Variants in NTRK2 observed in about 807,000 individuals in gnomAD.
NTRK2 encodes the protein BDNF/NT-3 growth factors receptor.
NTRK2 carries 13 observed loss-of-function variants against 94.5 expected under a neutral mutation model. The ratio of observed to expected loss-of-function variants is 0.14; its 90% confidence interval spans 0.09 to 0.22. The LOEUF is 0.22. Among genes scored for constraint, NTRK2 ranks in the 10% least tolerant of loss-of-function variants. The pLI, the probability that NTRK2 is intolerant of heterozygous loss-of-function variation, is 1.00. For synonymous variants in NTRK2, 372 were observed against 407.4 expected (o/e 0.91, Z 1.05); for missense variants, 639 against 1,071.2 (o/e 0.60, Z 5.63).
chr9:84,738,655 C>T (rs898855455), intron 9 of NTRK2, among the ~76,000 whole-genome samples: 20 of 152,206 alleles, frequency 1.3e-4, no homozygotes, highest in Non-Finnish European at 2.9e-5. Context: ...GTGACCCTCA[C>T]TTTTCATAAA....
At chr9:84,692,686 C>T (rs892141745) in intron 2 of NTRK2, among the ~76,000 whole-genome samples, 6 of 151,970 alleles carry the variant, frequency 3.9e-5, no homozygotes, top group Non-Finnish European at 7.4e-5. Context: ...AGGCTGGTCT[C>T]GAACTCCTGA....
At chr9:84,785,723 G>C (rs2068052785) in intron 12 of NTRK2, among the ~76,000 whole-genome samples, 1 of 152,158 alleles carries the variant, frequency 6.6e-6, no homozygotes, top group Admixed American at 6.5e-5. Flanking sequence ...ATTGTGTACT[G>C]CACCTTATTT....
intron 12 of NTRK2, among the ~76,000 whole-genome samples, chr9:84,777,601 G>A (rs1431165425): frequency 6.6e-6 from 1 of 152,156 alleles, no homozygotes; most frequent in Non-Finnish European, 1.5e-5. Flanking sequence ...GCTGAGAAAT[G>A]TTCAGGAACT....
intron 4 of NTRK2, among the ~76,000 whole-genome samples, chr9:84,703,777 C>T (rs117149435): frequency 0.011 from 1,691 of 152,222 alleles, 10 homozygotes; most frequent in Non-Finnish European, 0.018. Flanking sequence ...TGATAAAACT[C>T]CAGGGAACTT....
chr9:84,948,370 T>C (rs1271323202), intron 15 of NTRK2, 92 bp from the exon 16 acceptor site: 3 of 1,344,126 alleles, frequency 2.2e-6, no homozygotes, highest in East Asian at 2.4e-5. Flanking sequence ...TGTTTTCTCA[T>C]CTTTTGCCTA....
chr9:84,931,896 C>T (rs2078050454), intron 14 of NTRK2, among the ~76,000 whole-genome samples: 1 of 152,068 alleles, frequency 6.6e-6, no homozygotes, highest in Admixed American at 6.6e-5. Flanking sequence ...TTTATATGGG[C>T]ACTCTCCCTA....
At chr9:84,990,370 A>AT (rs1161974011) in intron 17 of NTRK2, among the ~76,000 whole-genome samples, 1 of 152,248 alleles carries the variant, frequency 6.6e-6, no homozygotes, top group African/African-American at 2.4e-5. Context: ...ATCTTACTTA[A>AT]TACGGACAAA....
rs564825134 is a variant in NTRK2, at chr9:85,020,470, T to C, written c.2331+106T>C. ...GGAAGACCATGTCAGGACACGATCT[T>C]ATGGGCTTTGTTGGTGGCAGCACTT... On this transcript the variant is annotated intron_variant, in intron 18 of 18. Coordinates refer to ENST00000277120, the MANE Select transcript of NTRK2 (RefSeq NM_006180.6). 1.7e-5 allele frequency: 20 copies of C among 1,194,774 alleles called. No homozygotes were observed. In the African/African-American group the frequency reaches 3.0e-4, roughly 18 times the overall value. The allele number at this position is 1,194,774 out of a possible 1,614,324, so 74.0% of individuals were successfully genotyped here.
At chr9:84,950,673 A>ATAGT (rs3837283) in intron 16 of NTRK2, among the ~76,000 whole-genome samples, 10,706 of 152,182 alleles carry the variant, frequency 0.07, 513 homozygotes, top group Admixed American at 0.13. Flanking sequence ...GTAGACAGTA[A>ATAGT]TAGGAAAGTT....
chr9:84,987,377 T>C (rs1184730379), intron 17 of NTRK2, among the ~76,000 whole-genome samples: 1 of 152,152 alleles, frequency 6.6e-6, no homozygotes, highest in Non-Finnish European at 1.5e-5. Context: ...GTTAGGAAAA[T>C]GCAAACAGTA....
In NTRK2 at chr9:84,813,148, C is replaced by T. The variant is rs201527842; in HGVS notation, c.1397-47892C>T. On this transcript the variant is annotated intron_variant, in intron 12 of 18. Coordinates refer to ENST00000277120, the MANE Select transcript of NTRK2 (RefSeq NM_006180.6). ...ATTTTTGCTGAAATCGGGCCTGTCA[C>T]TCTCCAATAAAGGTTCTGGCACTTC... 8.6e-6 allele frequency: 9 copies of T among 1,044,322 alleles called. No individual in the cohort carries two copies. The South Asian group carries it at 4.1e-4, about 48-fold the overall frequency. 64.7% of individuals were successfully genotyped at this position (1,044,322 alleles called of 1,614,324 possible).
chr9:85,012,934 A>C (rs866112854), intron 17 of NTRK2, among the ~76,000 whole-genome samples: 1 of 152,214 alleles, frequency 6.6e-6, no homozygotes, highest in Non-Finnish European at 1.5e-5. Flanking sequence ...CTCTTTGACT[A>C]ATCCAAAAAT....
chr9:84,812,111 A>G (rs200219541), intron 12 of NTRK2: 2 of 1,059,596 alleles, frequency 1.9e-6, no homozygotes, highest in Admixed American at 5.4e-5. Flanking sequence ...TTAAGGTTCT[A>G]TAGATTTTTA....
Position 84,710,733 on chromosome 9 carries a change from C to T in NTRK2, c.525C>T (p.Tyr175=), listed in dbSNP as rs751873084. ...CCAGTCCAGACACTCAGGATTTGTA[C>T]TGCCTGAATGAAAGCAGCAAGAATA... is the stretch of plus-strand genomic sequence containing the variant. ...AKSSPDTQDL[Y]CLNESSKNIP... is the part of the protein sequence containing the mutation. The change falls in exon 6 of 19, where the codon TAC becomes TAT. Residue 175 remains tyrosine, a synonymous_variant. Transcript: ENST00000277120. 36 of 1,614,016 alleles carry T rather than the reference C, an allele frequency of 2.2e-5. No individual in the cohort carries two copies. In the East Asian group the frequency reaches 7.4e-4, roughly 33 times the overall value.
chr9:84,744,455 G>A (rs561074089), intron 10 of NTRK2, among the ~76,000 whole-genome samples: 37 of 152,210 alleles, frequency 2.4e-4, no homozygotes, highest in African/African-American at 8.7e-4. Flanking sequence ...GTGCAAATAA[G>A]TTGCACCTGT....
chr9:84,851,250 A>C (rs2074751828), intron 12 of NTRK2, among the ~76,000 whole-genome samples: 1 of 152,178 alleles, frequency 6.6e-6, no homozygotes, highest in South Asian at 2.1e-4. Context: ...TTTCCAGAAA[A>C]TCAGTGGACC....
intron 7 of NTRK2, 83 bp downstream of exon 7, chr9:84,723,792 A>AT (rs1295781230): frequency 5.8e-6 from 9 of 1,555,218 alleles, no homozygotes; most frequent in Non-Finnish European, 8.0e-6. Flanking sequence ...AGTGATGATC[A>AT]TTTGATATTT....
chr9:84,840,910 A>G (rs567796404), intron 12 of NTRK2, among the ~76,000 whole-genome samples: 1 of 152,142 alleles, frequency 6.6e-6, no homozygotes, highest in Non-Finnish European at 1.5e-5. Flanking sequence ...GGAGGCACCC[A>G]GCGCAGCTTC....
intron 12 of NTRK2, among the ~76,000 whole-genome samples, chr9:84,844,594 A>C (rs945659524): frequency 3.3e-5 from 5 of 151,968 alleles, no homozygotes; most frequent in Admixed American, 3.3e-4. Context: ...GTAAGAAGCT[A>C]TAAAGTGTTA....
Sources: gnomAD v4.1 joint callset for allele counts (sites outside exome capture counted in the v4.1 genomes callset) on GRCh38, gnomAD v4.1.1 for gene constraint, MANE v1.5 for transcripts, NCBI Gene and HGNC (gene_info 2026-07-23, HGNC 2026-07-21) for gene names.